The following SALL2 variants were observed in gnomAD, a reference collection of about 807,000 sequenced individuals.
The protein encoded by SALL2 is spalt like transcription factor 2, also known as sal-like protein 2.
In SALL2, 32 loss-of-function variants were observed where a neutral mutation model predicts 58.5. The observed-to-expected ratio is 0.55, with a 90% CI of 0.41 to 0.74. SALL2 has a LOEUF of 0.74. Among genes scored for constraint, SALL2 ranks in the 30% least tolerant of loss-of-function variants. The pLI is 0.00. For missense variants in SALL2, 1,201 were observed against 1,268.9 expected, an observed-to-expected ratio of 0.95 and a Z score of 0.81; for synonymous variants, 516 against 513.6, an observed-to-expected ratio of 1.00 and a Z score of -0.06.
Position 21,523,821 on chromosome 14 carries a change from C to T in SALL2, c.1901G>A (p.Cys634Tyr), listed in dbSNP as rs1248803601. 5.6e-6 allele frequency: 9 copies of T among 1,614,084 alleles called. No homozygotes were observed. Among genetic ancestry groups the T allele is most frequent in the Non-Finnish European group, 7.6e-6 (9 of 1,180,046 alleles). The part of the protein sequence containing the change: ...ASSGPNQCVI[C>Y]LRVLSCPRAL... ...CCGAGGACAGCTAAGCACTCGGAGA[C>T]AGATGACACACTGGTTAGGTCCAGA... Residue 634 changes from cysteine to tyrosine, a missense_variant, in exon 2 of 2, where the codon TGT becomes TAT. Physicochemically the swap from Cys to Tyr is radical, Grantham distance 194 (BLOSUM62 -2). Around this residue, in one of 3 missense-constraint regions of SALL2, gnomAD observed 675 missense variants for 683.8 expected, o/e 0.99. Coordinates refer to ENST00000537235, the MANE Select transcript of SALL2 (RefSeq NM_001364564.1). The surrounding 1 kb of genome is among the most constrained non-coding windows in gnomAD (Gnocchi z 4.4).
In SALL2 at chr14:21,525,002, G is replaced by T; in HGVS notation, c.720C>A (p.Phe240Leu). Residue 240 changes from phenylalanine (F) to leucine (L), a missense_variant, in exon 2 of 2, where the codon TTC becomes TTA. Phe to Leu is a conservative substitution (Grantham distance 22). Transcript: ENST00000537235. The surrounding 1 kb of genome is among the most constrained non-coding windows in gnomAD (Gnocchi z 4.4). ...TGGTTTGGACAGGCTTGATGGGGCTGAAGAGGGGTAGTAGGGGCTTGGTGG... is the reference window on the plus strand; with the variant it reads ...TGGTTTGGACAGGCTTGATGGGGCTTAAGAGGGGTAGTAGGGGCTTGGTGG... ...ASSTKPLLPLFSPIKPVQTSK... is the reference protein window; with the variant it reads ...ASSTKPLLPLLSPIKPVQTSK... 2.5e-6 allele frequency: 4 copies of T among 1,613,936 alleles called. No homozygotes were observed. The highest frequency in any genetic ancestry group is 3.4e-6 in the Non-Finnish European group (4 of 1,179,912).
intron 1 of SALL2, among the ~76,000 whole-genome samples, chr14:21,535,043 G>C (rs1019665626): frequency 1.3e-5 from 2 of 152,032 alleles, no homozygotes; most frequent in Non-Finnish European, 2.9e-5. Flanking sequence ...TTCATGACAC[G>C]TCTCATAAAG....
intron 1 of SALL2, among the ~76,000 whole-genome samples, chr14:21,534,047 C>A (rs934545976): frequency 2.6e-5 from 4 of 152,120 alleles, no homozygotes; most frequent in Non-Finnish European, 2.9e-5. Flanking sequence ...TGAATAGAAA[C>A]CCTGTCTATA....
In SALL2 at chr14:21,534,673, C is replaced by T. The variant is rs116205643; in HGVS notation, c.-114+2289G>A. ...GTTTGGAGGGGTGTTCAGCATAGTT[C>T]CACAATCAAACCAGCAGGAGAGCAG... is the stretch of plus-strand genomic sequence containing the variant. On this transcript the variant is annotated intron_variant, in intron 1 of 1. Coordinates refer to the SALL2 transcript ENST00000541965. 4.3e-3 allele frequency among the ~76,000 whole-genome samples: 659 copies of T among 151,996 alleles called. 7 individuals carry two copies. The highest frequency in any genetic ancestry group is 0.015 in the African/African-American group (628 of 41,430).
intron 1 of SALL2, 60 bp downstream of exon 1, chr14:21,526,001 C>T: frequency 1.4e-6 from 2 of 1,389,790 alleles, no homozygotes; most frequent in African/African-American, 2.9e-5. Context: ...AAAGTCTTCG[C>T]CGCCCCTGCG....
At chr14:21,533,708 A>G (rs1263581665) in intron 1 of SALL2, among the ~76,000 whole-genome samples, 1 of 151,934 alleles carries the variant, frequency 6.6e-6, no homozygotes. Flanking sequence ...AGGGAAGCTG[A>G]GCAAAAACGG....
At chr14:21,533,890 C>G (rs951620436) in intron 1 of SALL2, among the ~76,000 whole-genome samples, 2 of 152,158 alleles carry the variant, frequency 1.3e-5, no homozygotes, top group South Asian at 4.1e-4. Context: ...AGACTACTGA[C>G]TAAATGTCTT....
Position 21,526,262 on chromosome 14 carries a change from CG to C in SALL2, c.-136del. The C allele has an allele frequency of 2.3e-6, 3 of 1,321,658 alleles. No homozygotes were observed. Among genetic ancestry groups the C allele is most frequent in the Non-Finnish European group, 2.9e-6 (3 of 1,031,764 alleles). The allele number at this position is 1,321,658 out of a possible 1,614,324, so 81.9% of individuals were successfully genotyped here. A position where few individuals can be genotyped will look rare whatever the true frequency, so the allele number is the denominator to read the frequency against. On this transcript the variant is annotated 5_prime_UTR_variant, in exon 1 of 2. Transcript: ENST00000537235. ...CTGCGGAGATGGAGATCGGCAGCGG[CG>C]GGGGCAGGGAGCAGCGGCGGAGGGG...
At position 21,523,625 on chromosome 14, in the gene SALL2, G is replaced by A. The variant is rs748638643; in HGVS notation, c.2097C>T (p.Thr699=). Residue 699 remains threonine (T), a synonymous_variant, in exon 2 of 2, where the codon ACC becomes ACT. Coordinates refer to ENST00000537235, the MANE Select transcript of SALL2 (RefSeq NM_001364564.1). The surrounding 1 kb of genome is among the most constrained non-coding windows in gnomAD (Gnocchi z 4.4). The part of the protein sequence containing the change: ...NSCPICQKKF[T]NAVTLQQHVR... ...CATGCTGCTGCAGAGTGACAGCATT[G>A]GTGAACTTCTTCTGGCAGATGGGGC... 6.2e-7 allele frequency: 1 copy of A among 1,614,126 alleles called. No individual in the cohort carries two copies. Among genetic ancestry groups the A allele is most frequent in the African/African-American group, 1.3e-5 (1 of 74,954 alleles).
chr14:21,523,700 T>A lies in SALL2; in HGVS notation c.2022A>T (p.Ala674=), dbSNP rs751237009. 5.6e-5 allele frequency: 90 copies of A among 1,614,058 alleles called. No homozygotes were observed. The highest frequency in any genetic ancestry group is 6.9e-5 in the Non-Finnish European group (82 of 1,180,044). Residue 674 remains alanine, a synonymous_variant, in exon 2 of 2, where the codon GCA becomes GCT. Transcript: ENST00000537235. The surrounding 1 kb of genome is among the most constrained non-coding windows in gnomAD (Gnocchi z 4.4). The part of the protein sequence containing the change: ...RAFSTRGNLR[A]HFVGHKASPA... The stretch of plus-strand genomic sequence containing the variant: ...GACTGGCCTTGTGGCCCACGAAATG[T>A]GCACGCAGATTACCCCTGGTGGAGA...
chr14:21,530,413 C>G (rs946555435), upstream of SALL2, among the ~76,000 whole-genome samples: 1 of 151,192 alleles, frequency 6.6e-6, no homozygotes, highest in Non-Finnish European at 1.5e-5. Flanking sequence ...TCAGCCTTCC[C>G]AAGTAGCTGG....
intron 1 of SALL2, among the ~76,000 whole-genome samples, chr14:21,531,632 T>A (rs1371498938): frequency 1.3e-5 from 2 of 151,654 alleles, no homozygotes; most frequent in African/African-American, 4.9e-5. Flanking sequence ...GGTCTCAAAC[T>A]CCCAGCCTCA....
rs1892296548 is a variant in SALL2 at position 21,526,093 on chromosome 14, CCGAGA to C, written c.30_34del (p.Leu11GlyfsTer12). The stretch of plus-strand genomic sequence containing the variant: ...CTCTGCCGGCTCCCCGCAGGGCACC[CCGAGA>C]CGAGAGCTCCTCTCGGATTCGTGCG... On this transcript the variant is annotated frameshift_variant, in exon 1 of 2. Transcript: ENST00000537235. LOFTEE classifies it high-confidence loss of function. 6.5e-7 allele frequency: 1 copy of C among 1,537,950 alleles called. No homozygotes were observed. Among genetic ancestry groups the C allele is most frequent in the Non-Finnish European group, 8.7e-7 (1 of 1,147,908 alleles).
chr14:21,522,778 G>A lies in SALL2; in HGVS notation c.2944C>T (p.Pro982Ser), dbSNP rs200074438. The A allele has an allele frequency of 4.4e-6, 7 of 1,589,436 alleles. No individual in the cohort carries two copies. The highest frequency in any genetic ancestry group is 3.6e-5 in the Admixed American group (2 of 55,978). Residue 982 changes from proline to serine, a missense_variant, in exon 2 of 2, where the codon CCT (proline) becomes TCT (serine). Pro to Ser is a moderately conservative substitution (Grantham distance 74). Around this residue, in one of 3 missense-constraint regions of SALL2, gnomAD observed 675 missense variants for 683.8 expected, o/e 0.99. Coordinates refer to ENST00000537235, the MANE Select transcript of SALL2 (RefSeq NM_001364564.1). ...GAGGTGATGGAAGGCGAACAGCCAG[G>A]GACTAGAGAAAGAGCAGCAATATTC... ...PQNIAALSLVPGCSPSITSTG... is the reference protein window; with the variant it reads ...PQNIAALSLVSGCSPSITSTG...
At position 21,523,357 on chromosome 14, in the gene SALL2, C is replaced by T; in HGVS notation, c.2365G>A (p.Gly789Arg). 5.0e-6 allele frequency: 8 copies of T among 1,613,662 alleles called. No homozygotes were observed. Among genetic ancestry groups the T allele is most frequent in the East Asian group, 2.2e-5 (1 of 44,882 alleles). Residue 789 changes from glycine to arginine, a missense_variant, in exon 2 of 2, where the codon GGA (glycine) becomes AGA (arginine). By Grantham distance (125) the Gly-to-Arg change is moderately radical (BLOSUM62 -2). This residue lies in a region of SALL2 where 675 missense variants were observed against 683.8 expected (regional missense o/e 0.99). Coordinates refer to ENST00000537235, the MANE Select transcript of SALL2 (RefSeq NM_001364564.1). The surrounding 1 kb of genome is among the most constrained non-coding windows in gnomAD (Gnocchi z 4.4). ...CTCACTGATATTGCCTTCTCACCTCCACTCTCTGAGCCTCTCCCTGCCAGG... is the reference window on the plus strand; with the variant it reads ...CTCACTGATATTGCCTTCTCACCTCTACTCTCTGAGCCTCTCCCTGCCAGG... ...DSLAGRGSES[G>R]GEKAISVRGD... is the part of the protein sequence containing the mutation.
Position 21,522,968 on chromosome 14 carries a change from A to G in SALL2, c.2754T>C (p.Phe918=). The G allele has an allele frequency of 6.2e-7, 1 of 1,613,824 alleles. No individual in the cohort carries two copies. Among genetic ancestry groups the G allele is most frequent in the East Asian group, 2.2e-5 (1 of 44,864 alleles). ...RKACEVCGQA[F]PSQAALEEHQ... is the part of the protein sequence containing the mutation. ...GCTCCTCCAGAGCTGCCTGGGAGGG[A>G]AAGGCCTGGCCACACACTTCGCAGG... is the stretch of plus-strand genomic sequence containing the variant. Residue 918 remains phenylalanine (F), a synonymous_variant, in exon 2 of 2, where the codon TTT becomes TTC. Transcript: ENST00000537235.
In SALL2 at chr14:21,525,165, AC is replaced by A; in HGVS notation, c.556del (p.Val186CysfsTer12). 1 of 1,613,502 alleles carries A rather than the reference AC, an allele frequency of 6.2e-7. No individual in the cohort carries two copies. The highest frequency in any genetic ancestry group is 8.5e-7 in the Non-Finnish European group (1 of 1,179,850). On this transcript the variant is annotated frameshift_variant, in exon 2 of 2. Transcript: ENST00000537235. LOFTEE classifies it high-confidence loss of function. This position sits in a 1 kb window ranked among gnomAD's most constrained non-coding sequence, Gnocchi z 4.4. ...NIPLILEELR[V>X]LQQRQIHQMQ... is the part of the protein sequence containing the mutation. ...CTGATGGATCTGCCGCTGCTGCAGCACCCGTAGCTCTTCCAAGATCAGGGGG... is the reference window on the plus strand; with the variant it reads ...CTGATGGATCTGCCGCTGCTGCAGCACCGTAGCTCTTCCAAGATCAGGGGG...
At chr14:21,527,697 C>T (rs182667714), upstream of SALL2, among the ~76,000 whole-genome samples, 1 of 152,172 alleles carries the variant, frequency 6.6e-6, no homozygotes, top group Non-Finnish European at 1.5e-5. Flanking sequence ...AATGTGTAAA[C>T]CAGGTATGGT....
rs1227532162 is a variant in SALL2, at chr14:21,526,113, G to A, written c.15C>T (p.Ser5=). The A allele has an allele frequency of 5.8e-6, 9 of 1,540,342 alleles. No homozygotes were observed. Among genetic ancestry groups the A allele is most frequent in the African/African-American group, 4.1e-5 (3 of 73,168 alleles). ...GCACCCCGAGACGAGAGCTCCTCTC[G>A]GATTCGTGCGCCATGGTTGTGGGGG... MAHE[S]ERSSRLGVPC... is the part of the protein sequence containing the mutation. The change falls in exon 1 of 2, where the codon TCC becomes TCT. Residue 5 remains serine (S), a synonymous_variant. Transcript: ENST00000537235.
Sources: gnomAD v4.1 joint callset for allele counts (sites outside exome capture counted in the v4.1 genomes callset) on GRCh38, gnomAD v4.1.1 for gene constraint, gnomAD v4.1.1 regional missense constraint, Gnocchi (gnomAD v3.1) non-coding constraint, MANE v1.5 for transcripts, NCBI Gene and HGNC (gene_info 2026-07-23, HGNC 2026-07-21) for gene names.